ZNF106: variants seen among roughly 807,000 people sequenced by gnomAD.
ZNF106 encodes the protein zinc finger protein 106.
ZNF106 carries 67 observed loss-of-function variants against 195.1 expected under a neutral mutation model. The ratio of observed to expected loss-of-function variants is 0.34; its 90% confidence interval spans 0.28 to 0.42. The LOEUF is 0.42. Ranked by LOEUF, ZNF106 falls within the 10% of genes least tolerant of loss-of-function variation. The pLI, the probability that ZNF106 is intolerant of heterozygous loss-of-function variation, is 1.00. For synonymous variants in ZNF106, 784 were observed against 818.6 expected, an observed-to-expected ratio of 0.96 and a Z score of 0.72; for missense variants, 2,118 against 2,304.5, an observed-to-expected ratio of 0.92 and a Z score of 1.66.
rs1417019907 is a variant in ZNF106 at position 42,424,958 on chromosome 15, T to A, written c.5066A>T (p.Gln1689Leu). 1 of 1,614,204 alleles carries A rather than the reference T, an allele frequency of 6.2e-7. No homozygotes were observed. The highest frequency in any genetic ancestry group is 8.5e-7 in the Non-Finnish European group (1 of 1,180,024). ...GACCAGCAGTTTTCGGGCACCTTCC[T>A]GAGCTGTAGCAAGACAGCTGACTGC... is the stretch of plus-strand genomic sequence containing the variant. The part of the protein sequence containing the change: ...PRAVSCLATA[Q>L]EGARKLLVVG... Residue 1689 changes from glutamine to leucine, a missense_variant, in exon 16 of 22, where the codon CAG becomes CTG. Gln to Leu is a moderately radical substitution (Grantham distance 113, BLOSUM62 -2). Coordinates refer to ENST00000564754, the MANE Select transcript of ZNF106 (RefSeq NM_001366845.3).
At chr15:42,473,203 C>T (rs1046096193) in intron 1 of ZNF106, among the ~76,000 whole-genome samples, 7 of 152,112 alleles carry the variant, frequency 4.6e-5, no homozygotes, top group East Asian at 3.8e-4. Context: ...CCAGTAAGTA[C>T]GCAAATATTC....
intron 10 of ZNF106, 23 bp from the exon 11 acceptor site, chr15:42,439,836 A>G: frequency 6.7e-7 from 1 of 1,495,126 alleles, no homozygotes; most frequent in East Asian, 2.4e-5. Context: ...GAAAAAAATT[A>G]TTGCATCCTT....
In ZNF106 at chr15:42,484,701, G is replaced by A. The variant is rs181186291; in HGVS notation, c.-33+6279C>T. 7.1e-3 allele frequency among the ~76,000 whole-genome samples: 1,074 copies of A among 152,126 alleles called. 16 individuals carry two copies. The highest frequency in any genetic ancestry group is 0.025 in the African/African-American group (1,034 of 41,418). ...TGCAGTGAGCCAAGATCATGCCACT[G>A]TACTCCAGCCTGGGTGACAGAGTGA... On this transcript the variant is annotated intron_variant, in intron 1 of 21. Coordinates refer to ENST00000564754, the MANE Select transcript of ZNF106 (RefSeq NM_001366845.3).
intron 1 of ZNF106, among the ~76,000 whole-genome samples, chr15:42,478,512 CTTTTT>C (rs58475332): frequency 3.9e-5 from 3 of 77,614 alleles, no homozygotes; most frequent in African/African-American, 1.4e-4. Context: ...TCCTCTTTTT[CTTTTT>C]TTTTTTTTTT....
chr15:42,432,269 C>T (rs907701182), intron 14 of ZNF106, among the ~76,000 whole-genome samples: 4 of 152,170 alleles, frequency 2.6e-5, no homozygotes, highest in African/African-American at 9.7e-5. Flanking sequence ...AATGATCCTC[C>T]CACCTCAGCC....
chr15:42,475,035 G>A (rs1038544029), intron 1 of ZNF106, among the ~76,000 whole-genome samples: 2 of 152,180 alleles, frequency 1.3e-5, no homozygotes, highest in South Asian at 2.1e-4. Flanking sequence ...GTAACTCCTA[G>A]ATAATATGGC....
chr15:42,476,730 C>T (rs894033668), intron 1 of ZNF106, among the ~76,000 whole-genome samples: 1 of 151,842 alleles, frequency 6.6e-6, no homozygotes, highest in South Asian at 2.1e-4. Flanking sequence ...GAGGAAGCAG[C>T]GGAGGGGTTG....
Position 42,456,934 on chromosome 15 carries a change from TTTTTTAA to T in ZNF106, c.317+17_317+23del. The T allele has an allele frequency of 6.2e-7, 1 of 1,602,598 alleles. No homozygotes were observed. The highest frequency in any genetic ancestry group is 8.5e-7 in the Non-Finnish European group (1 of 1,173,040). ...TGCTGTGTTCTGTTATAGATAGGCT[TTTTTTAA>T]AAAATCAATTACTTACCGACTTTGT... On this transcript the variant is annotated intron_variant, in intron 4 of 21. Coordinates refer to ENST00000564754, the MANE Select transcript of ZNF106 (RefSeq NM_001366845.3).
intron 4 of ZNF106, among the ~76,000 whole-genome samples, chr15:42,454,898 CA>C (rs796332231): frequency 0.01 from 1,197 of 119,062 alleles, 12 homozygotes; most frequent in African/African-American, 0.03. Flanking sequence ...CACCCTGTCT[CA>C]AAAAAAAAAA....
chr15:42,459,766 C>G (rs965860448), intron 3 of ZNF106, among the ~76,000 whole-genome samples: 1 of 152,058 alleles, frequency 6.6e-6, no homozygotes, highest in Admixed American at 6.6e-5. Context: ...GTTGGCCAGG[C>G]GCAGTGGTTC....
chr15:42,420,312 A>G (rs2054612412), intron 20 of ZNF106, among the ~76,000 whole-genome samples: 1 of 152,198 alleles, frequency 6.6e-6, no homozygotes, highest in Admixed American at 6.5e-5. Context: ...TCTACATTAT[A>G]TTCGCTACCG....
Position 42,462,450 on chromosome 15 carries a change from T to C in ZNF106, c.116+3603A>G, listed in dbSNP as rs995373428. Among the ~76,000 whole-genome samples the C allele has an allele frequency of 4.6e-5, 7 of 151,944 alleles. No homozygotes were observed. The East Asian group carries it at 1.2e-3, about 25-fold the overall frequency. ...CAGTTTCTACTAAAAAGAGAAAAAA[T>C]TAGCCGGCATGGTTGCGCGTGCCTG... On this transcript the variant is annotated intron_variant, in intron 3 of 21. Transcript: ENST00000564754.
At chr15:42,468,067 C>T (rs1017103023) in intron 2 of ZNF106, among the ~76,000 whole-genome samples, 28 of 131,642 alleles carry the variant, frequency 2.1e-4, no homozygotes, top group African/African-American at 9.4e-4. Flanking sequence ...ATTCAAAACG[C>T]CTTTTTTTTT....
At position 42,451,908 on chromosome 15, in the gene ZNF106, T is replaced by C; in HGVS notation, c.364A>G (p.Arg122Gly). Reference sequence around the variant, plus strand: ...TCTTCTCGTCTCCATTGGGGTCGTCTGTCATCAGAGTTTATTTCTTGGTTG... The same window carrying C: ...TCTTCTCGTCTCCATTGGGGTCGTCCGTCATCAGAGTTTATTTCTTGGTTG... ...NSNQEINSDD[R>G]RPQWRREDRI... The change falls in exon 5 of 22, where the codon AGA becomes GGA. Residue 122 changes from arginine to glycine, a missense_variant. Physicochemically the swap from Arg to Gly is moderately radical, Grantham distance 125 (BLOSUM62 -2). Coordinates refer to ENST00000564754, the MANE Select transcript of ZNF106 (RefSeq NM_001366845.3). 1 of 1,614,028 alleles carries C rather than the reference T, an allele frequency of 6.2e-7. No homozygotes were observed. Among genetic ancestry groups the C allele is most frequent in the East Asian group, 2.2e-5 (1 of 44,874 alleles).
chr15:42,433,357 G>A (rs914513817), intron 14 of ZNF106, among the ~76,000 whole-genome samples: 7 of 151,790 alleles, frequency 4.6e-5, no homozygotes, highest in Non-Finnish European at 7.4e-5. Flanking sequence ...CGCCCACCTC[G>A]GCCTCCCAAA....
chr15:42,432,018 T>C (rs911719388), intron 14 of ZNF106, among the ~76,000 whole-genome samples: 4 of 152,252 alleles, frequency 2.6e-5, no homozygotes, highest in Non-Finnish European at 5.9e-5. Context: ...TGAATTTGTC[T>C]ACTCCTTTCA....
chr15:42,461,135 A>G (rs2056382829), intron 3 of ZNF106, among the ~76,000 whole-genome samples: 1 of 152,138 alleles, frequency 6.6e-6, no homozygotes, highest in Non-Finnish European at 1.5e-5. Context: ...GTGTGGAGTA[A>G]GCATATTACC....
chr15:42,433,245 A>G (rs1355348017), intron 14 of ZNF106, among the ~76,000 whole-genome samples: 1 of 151,710 alleles, frequency 6.6e-6, no homozygotes, highest in Non-Finnish European at 1.5e-5. Context: ...AGCTGGGACT[A>G]CAGGCGCCTG....
chr15:42,446,794 C>G (rs2055790618), intron 6 of ZNF106, 136 bp from the exon 7 acceptor site: 1 of 753,866 alleles, frequency 1.3e-6, no homozygotes, highest in African/African-American at 1.8e-5. Flanking sequence ...TCGTAGAAGT[C>G]TCACGCACGT....
Sources: allele counts gnomAD v4.1 joint callset (sites outside exome capture counted in the v4.1 genomes callset), GRCh38; gene constraint gnomAD v4.1.1; transcripts MANE v1.5; gene names NCBI Gene and HGNC (gene_info 2026-07-23, HGNC 2026-07-21).